The following KCNK1 variants were observed in gnomAD, a reference collection of about 807,000 sequenced individuals.
KCNK1 encodes the protein potassium channel subfamily K member 1.
KCNK1 carries 10 observed loss-of-function variants against 22.2 expected under a neutral mutation model. The ratio of observed to expected loss-of-function variants is 0.45; its 90% confidence interval spans 0.28 to 0.76. KCNK1 has a LOEUF of 0.76. KCNK1 is among the 30% of genes least tolerant of loss of function. The probability of loss-of-function intolerance (pLI) is 0.14; values close to 1 mark genes in which losing one functional copy is unlikely to be tolerated. For synonymous variants in KCNK1, 200 were observed against 186.4 expected (o/e 1.07, Z -0.60); for missense variants, 378 against 421.0 (o/e 0.90, Z 0.89).
chr1:233,629,852 G>A (rs10910229), intron 1 of KCNK1: 25,846 of 152,248 alleles, frequency 0.17, 5,743 homozygotes, highest in African/African-American at 0.51. Flanking sequence ...GGCGGGAAGA[G>A]GGAGACGGCC....
At chr1:233,636,892 T>C (rs1657906988) in intron 1 of KCNK1, among the ~76,000 whole-genome samples, 1 of 151,700 alleles carries the variant, frequency 6.6e-6, no homozygotes, top group South Asian at 2.1e-4. Context: ...GATCAAGAGA[T>C]GGTGTTTAAG....
At chr1:233,645,005 C>T (rs774163009) in intron 1 of KCNK1, among the ~76,000 whole-genome samples, 53 of 152,014 alleles carry the variant, frequency 3.5e-4, no homozygotes, top group Non-Finnish European at 5.6e-4. Flanking sequence ...CCATCCTGGC[C>T]AACATGGTGA....
chr1:233,629,065 A>G (rs927167315), intron 1 of KCNK1, among the ~76,000 whole-genome samples: 1 of 152,184 alleles, frequency 6.6e-6, no homozygotes. Context: ...TCTTTGGAAT[A>G]TTTACTGAGT....
chr1:233,629,021 C>A (rs1255728341), intron 1 of KCNK1, among the ~76,000 whole-genome samples: 2 of 152,094 alleles, frequency 1.3e-5, no homozygotes, highest in Non-Finnish European at 2.9e-5. Context: ...CTAAGTAAGA[C>A]CCCCTTCTAA....
chr1:233,630,891 CTG>C (rs1657779386), intron 1 of KCNK1: 1 of 176,448 alleles, frequency 5.7e-6, no homozygotes, highest in Non-Finnish European at 1.2e-5. Flanking sequence ...AGGGTCCACT[CTG>C]GTAAATGTCA....
Position 233,672,028 on chromosome 1 carries a change from A to G in KCNK1, c.*498A>G, listed in dbSNP as rs1017364238. 1 of 162,410 alleles carries G rather than the reference A, an allele frequency of 6.2e-6. No homozygotes were observed. The highest frequency in any genetic ancestry group is 1.4e-5 in the Non-Finnish European group (1 of 73,756). The allele number at this position is 162,410 out of a possible 1,614,324, so 10.1% of individuals were successfully genotyped here. On this transcript the variant is annotated 3_prime_UTR_variant, in exon 3 of 3. Coordinates refer to ENST00000366621, the MANE Select transcript of KCNK1 (RefSeq NM_002245.4). ...TTGTAGAATCTAAGTTAAACTTACTATTTATAATGCATAGGTAACCATTAA... is the reference window on the plus strand; with the variant it reads ...TTGTAGAATCTAAGTTAAACTTACTGTTTATAATGCATAGGTAACCATTAA...
chr1:233,653,024 C>T (rs1658227239), intron 1 of KCNK1, among the ~76,000 whole-genome samples: 2 of 152,218 alleles, frequency 1.3e-5, no homozygotes, highest in African/African-American at 4.8e-5. Context: ...GCCCCATCCC[C>T]CAGCCACCTT....
intron 1 of KCNK1, among the ~76,000 whole-genome samples, chr1:233,651,482 T>G (rs972059894): frequency 5.3e-5 from 8 of 152,200 alleles, no homozygotes; most frequent in African/African-American, 1.9e-4. Flanking sequence ...AAAAACTAGA[T>G]TTATCCTCTC....
intron 1 of KCNK1, among the ~76,000 whole-genome samples, chr1:233,638,509 C>T (rs571830881): frequency 6.6e-6 from 1 of 151,940 alleles, no homozygotes; most frequent in East Asian, 1.9e-4. Flanking sequence ...CCTGATTGGA[C>T]TGGAGCACTG....
chr1:233,628,338 A>G (rs888243545), intron 1 of KCNK1, among the ~76,000 whole-genome samples: 1 of 152,192 alleles, frequency 6.6e-6, no homozygotes, highest in Non-Finnish European at 1.5e-5. Context: ...GAAACTACCC[A>G]TTGGATACTA....
chr1:233,635,560 A>G (rs701231), intron 1 of KCNK1, among the ~76,000 whole-genome samples: 12,856 of 152,072 alleles, frequency 0.085, 861 homozygotes, highest in African/African-American at 0.19. Context: ...ATATGATTTG[A>G]TTAATAACAT....
chr1:233,666,101 C>T (rs945169984), intron 1 of KCNK1, among the ~76,000 whole-genome samples: 8 of 152,144 alleles, frequency 5.3e-5, no homozygotes, highest in Admixed American at 4.6e-4. Flanking sequence ...ATTCACACAC[C>T]TTTATTTGTC....
At chr1:233,615,037 C>T (rs963072965) in intron 1 of KCNK1, among the ~76,000 whole-genome samples, 1 of 152,232 alleles carries the variant, frequency 6.6e-6, no homozygotes, top group Non-Finnish European at 1.5e-5. Flanking sequence ...GGGTCACCTT[C>T]CGGAGTGTGC....
intron 1 of KCNK1, among the ~76,000 whole-genome samples, chr1:233,616,234 T>TA (rs755963831): frequency 2.0e-5 from 3 of 152,168 alleles, no homozygotes; most frequent in Non-Finnish European, 2.9e-5. Context: ...GAAGGATGCT[T>TA]ATAGCGTGTG....
chr1:233,666,455 C>T (rs1248004306), intron 1 of KCNK1, 140 bp from the exon 2 acceptor site: 1 of 694,724 alleles, frequency 1.4e-6, no homozygotes, highest in Non-Finnish European at 2.3e-6. Context: ...TACTAGAGCC[C>T]CTAAAGTGGC....
chr1:233,637,868 A>G (rs1657929997), intron 1 of KCNK1, among the ~76,000 whole-genome samples: 1 of 152,154 alleles, frequency 6.6e-6, no homozygotes, highest in African/African-American at 2.4e-5. Flanking sequence ...CCTTAAGACC[A>G]GTGATTCTCA....
At chr1:233,660,969 A>G (rs891222680) in intron 1 of KCNK1, among the ~76,000 whole-genome samples, 2 of 152,184 alleles carry the variant, frequency 1.3e-5, no homozygotes, top group Admixed American at 1.3e-4. Flanking sequence ...AATTGTCTAA[A>G]CTCTCAAATA....
intron 1 of KCNK1, among the ~76,000 whole-genome samples, chr1:233,656,526 T>G (rs760466473): frequency 4.6e-5 from 7 of 152,250 alleles, no homozygotes; most frequent in Non-Finnish European, 8.8e-5. Context: ...CCCCTTGGCT[T>G]ATTGATTCTT....
chr1:233,614,749 T>G (rs1033426358), intron 1 of KCNK1, among the ~76,000 whole-genome samples: 1 of 152,076 alleles, frequency 6.6e-6, no homozygotes, highest in Non-Finnish European at 1.5e-5. Context: ...GGGCAAGCCC[T>G]GCGGAGCCGG....
Sources: gnomAD v4.1 joint callset for allele counts (sites outside exome capture counted in the v4.1 genomes callset) on GRCh38, gnomAD v4.1.1 for gene constraint, MANE v1.5 for transcripts, NCBI Gene and HGNC (gene_info 2026-07-23, HGNC 2026-07-21) for gene names.